The following TSPAN9 variants were observed in gnomAD, a reference collection of about 807,000 sequenced individuals.
TSPAN9 encodes the protein tetraspanin-9.
A neutral mutation model predicts 31.0 loss-of-function variants in TSPAN9; 16 were observed. The observed-to-expected ratio is 0.52, with a 90% CI of 0.35 to 0.78. The LOEUF (loss-of-function observed/expected upper bound fraction) is 0.78, where lower values mean the gene tolerates loss of function less well. Among genes scored for constraint, TSPAN9 ranks in the 30% least tolerant of loss-of-function variants. The pLI, the probability that TSPAN9 is intolerant of heterozygous loss-of-function variation, is 0.01. For missense variants in TSPAN9, 272 were observed against 312.5 expected, an observed-to-expected ratio of 0.87 and a Z score of 0.98; for synonymous variants, 145 against 121.6, an observed-to-expected ratio of 1.19 and a Z score of -1.27.
At chr12:3,121,444 C>T (rs1319804463) in intron 2 of TSPAN9, among the ~76,000 whole-genome samples, 1 of 149,092 alleles carries the variant, frequency 6.7e-6, no homozygotes, top group East Asian at 2.0e-4. Context: ...ATTACAGCCT[C>T]GACCTCCCAA....
Position 3,170,725 on chromosome 12 carries a change from G to GGGGAGGATGGCAGGAGGTAGAGC in TSPAN9, c.-17-30449_-17-30427dup, listed in dbSNP as rs1187136172. ...CAGCTGAAAACACTGCAGGAGAGTTGGGGAGGATGGCAGGAGGTAGAGCGG... is the reference window on the plus strand; with the variant it reads ...CAGCTGAAAACACTGCAGGAGAGTTGGGGAGGATGGCAGGAGGTAGAGCGGGAGGATGGCAGGAGGTAGAGCGG... On this transcript the variant is annotated intron_variant, in intron 2 of 8. Transcript: ENST00000011898. The surrounding 1 kb of genome is among the most constrained non-coding windows in gnomAD (Gnocchi z 4.4). 3.3e-5 allele frequency among the ~76,000 whole-genome samples: 5 copies of GGGGAGGATGGCAGGAGGTAGAGC among 152,080 alleles called. No homozygotes were observed. Among genetic ancestry groups the GGGGAGGATGGCAGGAGGTAGAGC allele is most frequent in the Non-Finnish European group, 7.4e-5 (5 of 68,026 alleles).
At chr12:3,257,888 G>A (rs1015397952) in intron 3 of TSPAN9, among the ~76,000 whole-genome samples, 1 of 152,188 alleles carries the variant, frequency 6.6e-6, no homozygotes, top group Admixed American at 6.5e-5. Context: ...CTCAGAGGAG[G>A]AGGATCTTAG....
At chr12:3,101,952 A>G (rs1411031879) in intron 2 of TSPAN9, among the ~76,000 whole-genome samples, 1 of 151,970 alleles carries the variant, frequency 6.6e-6, no homozygotes, top group Non-Finnish European at 1.5e-5. Context: ...TCTGGGTCTC[A>G]TGTCTCTTCC....
chr12:3,277,128 C>T (rs749161463), intron 3 of TSPAN9, among the ~76,000 whole-genome samples: 2 of 152,212 alleles, frequency 1.3e-5, no homozygotes, highest in Non-Finnish European at 2.9e-5. Flanking sequence ...CAATCTAATT[C>T]TCACAGCAGT....
At chr12:3,169,016 T>C (rs909670776) in intron 2 of TSPAN9, among the ~76,000 whole-genome samples, 1 of 152,104 alleles carries the variant, frequency 6.6e-6, no homozygotes, top group African/African-American at 2.4e-5. Flanking sequence ...CTCTCCTCAT[T>C]CCAGACCCCC....
intron 3 of TSPAN9, among the ~76,000 whole-genome samples, chr12:3,238,052 TCTTCCCTCCC>T: frequency 6.6e-6 from 1 of 152,180 alleles, no homozygotes; most frequent in East Asian, 1.9e-4. Flanking sequence ...CCTTCCCTCC[TCTTCCCTCCC>T]CAGTCATCCT....
chr12:3,091,802 C>T (rs559105365), intron 2 of TSPAN9, among the ~76,000 whole-genome samples: 1 of 152,312 alleles, frequency 6.6e-6, no homozygotes, highest in South Asian at 2.1e-4. Context: ...TGCACCTCCA[C>T]AACTCCGCCT....
chr12:3,184,941 G>A (rs549875164), intron 2 of TSPAN9, among the ~76,000 whole-genome samples: 64 of 152,096 alleles, frequency 4.2e-4, no homozygotes, highest in African/African-American at 1.4e-3. Flanking sequence ...TTCCTCCCTG[G>A]CCAGCAGGGA....
intron 2 of TSPAN9, among the ~76,000 whole-genome samples, chr12:3,098,089 A>G (rs1411999205): frequency 1.3e-5 from 2 of 152,236 alleles, no homozygotes; most frequent in African/African-American, 4.8e-5. Flanking sequence ...TGTGACAGGC[A>G]GAGCGGGTCA....
intron 2 of TSPAN9, among the ~76,000 whole-genome samples, chr12:3,193,940 T>G (rs1265830069): frequency 6.6e-6 from 1 of 152,222 alleles, no homozygotes; most frequent in African/African-American, 2.4e-5. Context: ...GCATTTGCAC[T>G]CTTATCTGTA....
chr12:3,220,070 G>A (rs570593827), intron 3 of TSPAN9, among the ~76,000 whole-genome samples: 53 of 151,442 alleles, frequency 3.5e-4, no homozygotes, highest in African/African-American at 1.0e-3. Flanking sequence ...GCTTGAACCC[G>A]GGAGGCGGAA....
chr12:3,104,730 C>T (rs547836398), intron 2 of TSPAN9, among the ~76,000 whole-genome samples: 66 of 152,240 alleles, frequency 4.3e-4, no homozygotes, highest in African/African-American at 1.3e-3. Flanking sequence ...TCATTTAATC[C>T]GCCCAGCAAC....
At chr12:3,242,824 T>C (rs2153977296) in intron 3 of TSPAN9, among the ~76,000 whole-genome samples, 1 of 152,348 alleles carries the variant, frequency 6.6e-6, no homozygotes, top group Non-Finnish European at 1.5e-5. Context: ...TATTCTGGTT[T>C]CTTTCCTCCC....
At chr12:3,165,595 C>T (rs181571762) in intron 2 of TSPAN9, among the ~76,000 whole-genome samples, 87 of 152,230 alleles carry the variant, frequency 5.7e-4, no homozygotes, top group South Asian at 1.7e-3. Context: ...CCCCATTGTA[C>T]AGAAGGAGAT....
intron 2 of TSPAN9, among the ~76,000 whole-genome samples, chr12:3,153,293 A>C (rs2098340737): frequency 6.6e-6 from 1 of 152,242 alleles, no homozygotes; most frequent in East Asian, 1.9e-4. Context: ...GCCGTATAAT[A>C]GGAACACAAA....
intron 3 of TSPAN9, among the ~76,000 whole-genome samples, chr12:3,230,666 T>TC (rs1319072124): frequency 4.6e-5 from 7 of 152,082 alleles, no homozygotes; most frequent in African/African-American, 7.2e-5. Context: ...CCAGGGGTTT[T>TC]CCCCACACTG....
chr12:3,163,216 C>G (rs2098346371), intron 2 of TSPAN9, among the ~76,000 whole-genome samples: 1 of 152,228 alleles, frequency 6.6e-6, no homozygotes, highest in South Asian at 2.1e-4. Flanking sequence ...TCACCTCATT[C>G]CCCGTTGCTC....
chr12:3,173,198 G>A (rs1331837970), intron 2 of TSPAN9: 1 of 152,522 alleles, frequency 6.6e-6, no homozygotes, highest in Non-Finnish European at 1.5e-5. Flanking sequence ...GAGTTCAGTG[G>A]TTCCCTGTCT....
At chr12:3,223,121 C>T (rs965156390) in intron 3 of TSPAN9, among the ~76,000 whole-genome samples, 7 of 152,232 alleles carry the variant, frequency 4.6e-5, no homozygotes, top group South Asian at 2.1e-4. Context: ...TATGCCACTG[C>T]GGTTTTGCTT....
Sources: allele counts gnomAD v4.1 joint callset (sites outside exome capture counted in the v4.1 genomes callset), GRCh38; gene constraint gnomAD v4.1.1; non-coding constraint Gnocchi (gnomAD v3.1); transcripts MANE v1.5; gene names NCBI Gene and HGNC (gene_info 2026-07-23, HGNC 2026-07-21).